Variants in AGBL1 observed in about 807,000 individuals in gnomAD.
AGBL1 encodes the protein AGBL carboxypeptidase 1.
Under a neutral mutation model 118.9 loss-of-function variants are expected in AGBL1, and 130 were observed. That is an observed-to-expected ratio of 1.09 (90% CI 0.95 to 1.26). The LOEUF (loss-of-function observed/expected upper bound fraction) is 1.26. AGBL1 is among the 50% of genes most tolerant of loss of function. AGBL1 has a pLI of 0.00. For synonymous variants in AGBL1, 555 were observed against 478.9 expected (o/e 1.16, Z -2.08); for missense variants, 1,584 against 1,298.1 (o/e 1.22, Z -3.38).
intron 17 of AGBL1, among the ~76,000 whole-genome samples, chr15:86,353,054 T>A (rs1038326476): frequency 3.3e-5 from 5 of 152,226 alleles, no homozygotes; most frequent in Admixed American, 6.5e-5. Flanking sequence ...AAGCATCTGT[T>A]GCAGTATATA....
At chr15:86,249,088 T>C (rs79982372) in intron 7 of AGBL1, among the ~76,000 whole-genome samples, 78 of 152,326 alleles carry the variant, frequency 5.1e-4, no homozygotes, top group African/African-American at 1.8e-3. Context: ...TTCACCTGAT[T>C]AGGGCTAATT....
At chr15:86,403,914 T>C (rs1002184119) in intron 18 of AGBL1, among the ~76,000 whole-genome samples, 1 of 152,134 alleles carries the variant, frequency 6.6e-6, no homozygotes, top group Admixed American at 6.6e-5. Flanking sequence ...AAGAGGTAAG[T>C]GAGTTATCCA....
chr15:86,220,394 A>G (rs2078262803), intron 5 of AGBL1, among the ~76,000 whole-genome samples: 2 of 152,200 alleles, frequency 1.3e-5, no homozygotes, highest in African/African-American at 4.8e-5. Context: ...AATGATGTAT[A>G]TAGGACATTT....
At chr15:86,858,661 T>C (rs1175778612) in intron 22 of AGBL1, among the ~76,000 whole-genome samples, 2 of 152,142 alleles carry the variant, frequency 1.3e-5, no homozygotes, top group Non-Finnish European at 2.9e-5. Context: ...GCTTACATGC[T>C]CAGGAGGGAG....
At position 86,303,778 on chromosome 15, in the gene AGBL1, G is replaced by A. The variant is rs539416301; in HGVS notation, c.2374+8370G>A. ...CTAGAACATTCTATTCTACAAATTT[G>A]TTCATGTGATATAATGATTTGCATA... On this transcript the variant is annotated intron_variant, in intron 17 of 22. Coordinates refer to ENST00000614907, the MANE Select transcript of AGBL1 (RefSeq NM_001386094.1). Among the ~76,000 whole-genome samples the A allele has an allele frequency of 1.7e-3, 261 of 152,098 alleles. 2 individuals carry two copies. Among genetic ancestry groups the A allele is most frequent in the Middle Eastern group, 3.4e-3 (1 of 294 alleles).
At chr15:86,790,188 G>C (rs1402171067) in intron 22 of AGBL1, among the ~76,000 whole-genome samples, 2 of 152,024 alleles carry the variant, frequency 1.3e-5, no homozygotes, top group African/African-American at 2.4e-5. Flanking sequence ...CTTCAGGTGA[G>C]GAAAGTACTG....
intron 22 of AGBL1, among the ~76,000 whole-genome samples, chr15:86,695,281 G>T (rs1349332103): frequency 6.6e-6 from 1 of 151,950 alleles, no homozygotes; most frequent in Non-Finnish European, 1.5e-5. Flanking sequence ...GCTTGTTATT[G>T]GTCTGTTCAG....
chr15:86,746,839 C>A (rs2077763728), intron 22 of AGBL1, among the ~76,000 whole-genome samples: 1 of 151,972 alleles, frequency 6.6e-6, no homozygotes, highest in Admixed American at 6.6e-5. Context: ...CACACACAAA[C>A]AATATAACTA....
chr15:86,752,139 A>G lies in AGBL1; in HGVS notation c.3158+77703A>G, dbSNP rs147453633. 3.9e-5 allele frequency among the ~76,000 whole-genome samples: 6 copies of G among 152,206 alleles called. No individual in the cohort carries two copies. The East Asian group carries it at 1.2e-3, about 30-fold the overall frequency. The stretch of plus-strand genomic sequence containing the variant: ...TTAATGTACCACAGGTGGACATTCT[A>G]GAACCTCTACTTATCTGTTTGTGTG... On this transcript the variant is annotated intron_variant, in intron 22 of 22. Transcript: ENST00000614907.
chr15:86,293,873 T>C (rs1882481658), intron 16 of AGBL1, among the ~76,000 whole-genome samples: 1 of 152,144 alleles, frequency 6.6e-6, no homozygotes, highest in African/African-American at 2.4e-5. Context: ...GGTTTCTCCT[T>C]GGCCCTCTTA....
At chr15:86,246,902 C>T (rs921601429) in intron 6 of AGBL1, among the ~76,000 whole-genome samples, 2 of 151,938 alleles carry the variant, frequency 1.3e-5, no homozygotes, top group Non-Finnish European at 2.9e-5. Flanking sequence ...TGACAACCTC[C>T]GGGTCCACTG....
At chr15:86,890,430 G>A (rs892131275) in intron 22 of AGBL1, among the ~76,000 whole-genome samples, 1 of 152,008 alleles carries the variant, frequency 6.6e-6, no homozygotes, top group Non-Finnish European at 1.5e-5. Flanking sequence ...TGCTTTTGTT[G>A]CAGTTGTTTT....
rs1202748299 is a variant in AGBL1, at chr15:86,972,525, G to GTTATA, written c.3222-15462_3222-15461insTTATA. Among the ~76,000 whole-genome samples, 16 of 152,058 alleles carry GTTATA rather than the reference G, an allele frequency of 1.1e-4. No individual in the cohort carries two copies. The East Asian group carries it at 2.3e-3, about 22-fold the overall frequency. Reference sequence around the variant, plus strand: ...TTTATAACTTCTGATTTGAAAATAAGAATCTTATCTATCACACTTTTATCT... The same window carrying GTTATA: ...TTTATAACTTCTGATTTGAAAATAAGTTATAAATCTTATCTATCACACTTTTATCT... On this transcript the variant is annotated intron_variant, in intron 23 of 24. Transcript: ENST00000441037.
chr15:86,313,348 A>G (rs916603690), intron 17 of AGBL1, among the ~76,000 whole-genome samples: 5 of 152,246 alleles, frequency 3.3e-5, no homozygotes, highest in Non-Finnish European at 7.3e-5. Context: ...ACCAAATTGC[A>G]GTCTAAGCAC....
intron 17 of AGBL1, among the ~76,000 whole-genome samples, chr15:86,394,089 TG>T (rs1478479800): frequency 6.6e-6 from 1 of 152,272 alleles, no homozygotes; most frequent in Non-Finnish European, 1.5e-5. Context: ...TATTCTGCTA[TG>T]GAAGCCCAGA....
Position 86,907,689 on chromosome 15 carries a change from T to G in AGBL1, c.*395T>G, listed in dbSNP as rs1427857356. On this transcript the variant is annotated 3_prime_UTR_variant, in exon 23 of 23. Coordinates refer to ENST00000614907, the MANE Select transcript of AGBL1 (RefSeq NM_001386094.1). Reference sequence around the variant, plus strand: ...GCTTCTCAGCCAGAATTCTAAGTGGTTATTTAAGTTGTTCCATATACAAGT... The same window carrying G: ...GCTTCTCAGCCAGAATTCTAAGTGGGTATTTAAGTTGTTCCATATACAAGT... 2.6e-5 allele frequency: 4 copies of G among 152,182 alleles called. No homozygotes were observed. Among genetic ancestry groups the G allele is most frequent in the Non-Finnish European group, 4.4e-5 (3 of 68,046 alleles). The allele number at this position is 152,182 out of a possible 1,614,324, so 9.4% of individuals were successfully genotyped here. A position where few individuals can be genotyped will look rare whatever the true frequency, so the allele number is the denominator to read the frequency against.
At chr15:86,245,530 G>T (rs572164838) in intron 6 of AGBL1, among the ~76,000 whole-genome samples, 1 of 152,230 alleles carries the variant, frequency 6.6e-6, no homozygotes, top group Admixed American at 6.5e-5. Flanking sequence ...ATCTGAACCG[G>T]TACATGCTTG....
chr15:86,713,328 G>C (rs2086589464), intron 22 of AGBL1, among the ~76,000 whole-genome samples: 1 of 152,144 alleles, frequency 6.6e-6, no homozygotes, highest in Admixed American at 6.6e-5. Flanking sequence ...TTAGAAAAAT[G>C]TGTATGTTAT....
chr15:86,213,599 C>G (rs1347078652), intron 5 of AGBL1, among the ~76,000 whole-genome samples: 3 of 152,170 alleles, frequency 2.0e-5, no homozygotes, highest in Non-Finnish European at 4.4e-5. Context: ...GTGAACTTTT[C>G]TGTTGCTATT....
Sources: allele counts gnomAD v4.1 joint callset (sites outside exome capture counted in the v4.1 genomes callset), GRCh38; gene constraint gnomAD v4.1.1; transcripts MANE v1.5; gene names NCBI Gene and HGNC (gene_info 2026-07-23, HGNC 2026-07-21).